Variants in AK8 observed in about 807,000 individuals in gnomAD.
The protein encoded by AK8 is adenylate kinase 8.
Under a neutral mutation model 54.6 loss-of-function variants are expected in AK8, and 44 were observed. The ratio of observed to expected loss-of-function variants is 0.81; its 90% CI spans 0.63 to 1.04. AK8 has a LOEUF of 1.04. Among genes scored for constraint, AK8 ranks in the 50% least tolerant of loss-of-function variants. The pLI, the probability that AK8 is intolerant of heterozygous loss-of-function variation, is 0.00. For missense variants in AK8, 555 were observed against 613.6 expected (o/e 0.90, Z 1.01); for synonymous variants, 239 against 245.6 (o/e 0.97, Z 0.25).
At chr9:132,759,859 A>G (rs1007088181) in intron 11 of AK8, among the ~76,000 whole-genome samples, 1 of 152,198 alleles carries the variant, frequency 6.6e-6, no homozygotes, top group Non-Finnish European at 1.5e-5. Context: ...AAGTCCTCCC[A>G]CTTTGTCTTT....
intron 10 of AK8, among the ~76,000 whole-genome samples, chr9:132,806,466 G>A (rs548151672): frequency 1.3e-5 from 2 of 152,212 alleles, no homozygotes; most frequent in Admixed American, 1.3e-4. Flanking sequence ...CAAACACACC[G>A]CATGCAAAGG....
chr9:132,807,652 C>G (rs1429969007), intron 10 of AK8, among the ~76,000 whole-genome samples: 1 of 152,118 alleles, frequency 6.6e-6, no homozygotes, highest in Non-Finnish European at 1.5e-5. Context: ...TCCCTGGACC[C>G]TAATTTATGG....
chr9:132,784,305 G>C (rs1455475200), intron 11 of AK8, among the ~76,000 whole-genome samples: 1 of 152,068 alleles, frequency 6.6e-6, no homozygotes, highest in Non-Finnish European at 1.5e-5. Flanking sequence ...GATCACCTGA[G>C]GTCAGGAGTT....
At chr9:132,728,831 C>T (rs1401713344) in intron 11 of AK8, among the ~76,000 whole-genome samples, 1 of 152,190 alleles carries the variant, frequency 6.6e-6, no homozygotes, top group Non-Finnish European at 1.5e-5. Context: ...ATTCATCTCT[C>T]AAACTCCTAG....
intron 9 of AK8, among the ~76,000 whole-genome samples, chr9:132,821,660 TG>T (rs954702880): frequency 1.6e-4 from 24 of 151,216 alleles, no homozygotes; most frequent in African/African-American, 5.6e-4. Context: ...TTGATTCTTC[TG>T]GGGTGGTATA....
At chr9:132,823,414 C>T in intron 8 of AK8, 78 bp from the exon 9 acceptor site, 4 of 1,579,622 alleles carry the variant, frequency 2.5e-6, no homozygotes, top group Middle Eastern at 3.4e-4. Flanking sequence ...TCTGCTTTGA[C>T]TCTTTTAACG....
chr9:132,741,798 G>C (rs1000340973), intron 11 of AK8, among the ~76,000 whole-genome samples: 4 of 152,120 alleles, frequency 2.6e-5, no homozygotes, highest in Non-Finnish European at 5.9e-5. Context: ...CCCATGAACA[G>C]TCACTTCCCC....
intron 10 of AK8, among the ~76,000 whole-genome samples, chr9:132,809,710 T>A (rs1390888051): frequency 1.3e-5 from 2 of 152,170 alleles, no homozygotes; most frequent in Non-Finnish European, 2.9e-5. Context: ...CTGTCTCCTA[T>A]CGGGTTCAGA....
At chr9:132,744,148 G>C (rs1249563454) in intron 11 of AK8, among the ~76,000 whole-genome samples, 1 of 152,104 alleles carries the variant, frequency 6.6e-6, no homozygotes, top group East Asian at 1.9e-4. Context: ...ACACCCTCCA[G>C]TGTGCCTCAC....
Position 132,878,034 on chromosome 9 carries a change from GA to G in AK8, c.84+137del. 6.5e-7 allele frequency: 1 copy of G among 1,536,774 alleles called. No homozygotes were observed. Among genetic ancestry groups the G allele is most frequent in the Non-Finnish European group, 8.8e-7 (1 of 1,137,254 alleles). ...CCCCCTCGGGGTCACGGCGACACAC[GA>G]ATCGTACATCCCGAGTTGGGCTGCT... On this transcript the variant is annotated intron_variant, in intron 1 of 12. Coordinates refer to ENST00000298545, the MANE Select transcript of AK8 (RefSeq NM_152572.3). This position sits in a 1 kb window ranked among gnomAD's most constrained non-coding sequence, Gnocchi z 4.7.
Position 132,770,814 on chromosome 9 carries a change from G to T in AK8, c.1121+21820C>A, listed in dbSNP as rs1263937101. 1.3e-5 allele frequency among the ~76,000 whole-genome samples: 2 copies of T among 152,178 alleles called. No individual in the cohort carries two copies. Among genetic ancestry groups the T allele is most frequent in the Non-Finnish European group, 2.9e-5 (2 of 68,026 alleles). ...AACCCAGTGGGCTCTGGAAGCAGCT[G>T]CTGAGTGCACGGCAGACCCCCTGGC... On this transcript the variant is annotated intron_variant, in intron 11 of 12. Transcript: ENST00000298545. The surrounding 1 kb of genome is among the most constrained non-coding windows in gnomAD (Gnocchi z 4.3).
At chr9:132,861,400 GA>G (rs1272692524) in intron 4 of AK8, 1 of 152,178 alleles carries the variant, frequency 6.6e-6, no homozygotes, top group African/African-American at 2.4e-5. Context: ...ACAAGCCACC[GA>G]TTAATTGCTT....
intron 11 of AK8, among the ~76,000 whole-genome samples, chr9:132,776,401 A>G (rs905209455): frequency 3.3e-5 from 5 of 152,218 alleles, no homozygotes; most frequent in African/African-American, 1.2e-4. Context: ...CGCTTTTGCT[A>G]CAACAAAGCA....
chr9:132,785,027 A>G (rs1839630326), intron 11 of AK8, among the ~76,000 whole-genome samples: 1 of 151,970 alleles, frequency 6.6e-6, no homozygotes, highest in Admixed American at 6.5e-5. Flanking sequence ...AAATTTCAGG[A>G]TATGTCTGTC....
chr9:132,727,328 T>C, intron 12 of AK8, 126 bp downstream of exon 12: 4 of 872,266 alleles, frequency 4.6e-6, no homozygotes, highest in Middle Eastern at 5.6e-4. Flanking sequence ...AAGTCCATTT[T>C]GATAATCGTC....
intron 11 of AK8, among the ~76,000 whole-genome samples, chr9:132,784,440 A>C (rs140372170): frequency 0.024 from 3,728 of 152,292 alleles, 150 homozygotes; most frequent in African/African-American, 0.085. Flanking sequence ...AATCGCTTGA[A>C]GTCAGGAGGG....
At chr9:132,832,376 G>A (rs910259935) in intron 5 of AK8, among the ~76,000 whole-genome samples, 10 of 152,132 alleles carry the variant, frequency 6.6e-5, no homozygotes, top group African/African-American at 2.4e-4. Flanking sequence ...CTTAGAAAGA[G>A]CAAACATCTA....
At chr9:132,833,504 TC>T (rs1157780784) in intron 5 of AK8, among the ~76,000 whole-genome samples, 2 of 152,178 alleles carry the variant, frequency 1.3e-5, no homozygotes, top group Non-Finnish European at 2.9e-5. Context: ...CAGTGAAATG[TC>T]TATTCCACTC....
At position 132,773,077 on chromosome 9, in the gene AK8, C is replaced by T. The variant is rs144553129; in HGVS notation, c.1121+19557G>A. On this transcript the variant is annotated intron_variant, in intron 11 of 12. Transcript: ENST00000298545. ...CTCCCACATCACTCCAAGGAAAAGC[C>T]GAATTCCTTCAAGGTCTATGGTCTC... Among the ~76,000 whole-genome samples, 272 of 152,318 alleles carry T rather than the reference C, an allele frequency of 1.8e-3. 1 individual carries two copies. The highest frequency in any genetic ancestry group is 6.4e-3 in the African/African-American group (267 of 41,558).
Sources: allele counts gnomAD v4.1 joint callset (sites outside exome capture counted in the v4.1 genomes callset), GRCh38; gene constraint gnomAD v4.1.1; non-coding constraint Gnocchi (gnomAD v3.1); transcripts MANE v1.5; gene names NCBI Gene and HGNC (gene_info 2026-07-23, HGNC 2026-07-21).